Variants in OTOGL observed in about 807,000 individuals in gnomAD.
OTOGL encodes the protein otogelin-like protein.
In OTOGL, 285 loss-of-function variants were observed where a neutral mutation model predicts 318.5. The observed-to-expected ratio is 0.89, with a 90% CI of 0.81 to 0.99. The LOEUF (loss-of-function observed/expected upper bound fraction) is 0.99, where lower values mean the gene tolerates loss of function less well. OTOGL is among the 50% of genes least tolerant of loss of function. OTOGL has a pLI of 0.00. For missense variants in OTOGL, 2,899 were observed against 2,845.6 expected (o/e 1.02, Z -0.43); for synonymous variants, 987 against 936.5 (o/e 1.05, Z -0.99).
intron 1 of OTOGL, among the ~76,000 whole-genome samples, chr12:80,127,025 C>T (rs958145917): frequency 1.3e-5 from 2 of 152,140 alleles, no homozygotes; most frequent in Admixed American, 6.5e-5. Flanking sequence ...TTAATTGGAG[C>T]ATTTAGCCTA....
chr12:80,143,074 A>G (rs1018912354), intron 1 of OTOGL, among the ~76,000 whole-genome samples: 2 of 152,160 alleles, frequency 1.3e-5, no homozygotes, highest in Non-Finnish European at 2.9e-5. Context: ...GTTGGGTGGC[A>G]AAGGCTGACC....
At chr12:80,136,022 G>C (rs543328925) in intron 1 of OTOGL, among the ~76,000 whole-genome samples, 2 of 152,158 alleles carry the variant, frequency 1.3e-5, no homozygotes, top group African/African-American at 4.8e-5. Flanking sequence ...CATGTGAACC[G>C]ATTCCTTATA....
chr12:80,103,375 C>G, intron 1 of OTOGL: 1 of 989,038 alleles, frequency 1.0e-6, no homozygotes, highest in Non-Finnish European at 1.6e-6. Flanking sequence ...CTTTTCTTTT[C>G]TTGCAGGCTT....
chr12:80,303,615 C>A (rs535908724), intron 28 of OTOGL, among the ~76,000 whole-genome samples: 1 of 152,192 alleles, frequency 6.6e-6, no homozygotes, highest in Admixed American at 6.5e-5. Flanking sequence ...CACAGTTCTG[C>A]ATGCCTGGGA....
At chr12:80,130,355 T>G (rs1482843413) in intron 1 of OTOGL, among the ~76,000 whole-genome samples, 1 of 152,246 alleles carries the variant, frequency 6.6e-6, no homozygotes, top group African/African-American at 2.4e-5. Flanking sequence ...GAGGCCAATT[T>G]AGTCTGAAAT....
At chr12:80,186,603 C>T (rs1347538165) in intron 1 of OTOGL, among the ~76,000 whole-genome samples, 1 of 152,128 alleles carries the variant, frequency 6.6e-6, no homozygotes, top group Non-Finnish European at 1.5e-5. Flanking sequence ...GGGACCCTCA[C>T]GATCTCATCC....
At chr12:80,242,654 T>TGTA (rs1200128083) in intron 11 of OTOGL, among the ~76,000 whole-genome samples, 2 of 152,130 alleles carry the variant, frequency 1.3e-5, no homozygotes, top group East Asian at 3.9e-4. Context: ...TTGAATTCAA[T>TGTA]TCAACACACA....
intron 1 of OTOGL, among the ~76,000 whole-genome samples, chr12:80,143,735 A>T (rs1872110604): frequency 6.6e-6 from 1 of 152,138 alleles, no homozygotes; most frequent in African/African-American, 2.4e-5. Context: ...TTAGTTTCTC[A>T]TGATGGCATA....
chr12:80,328,813 T>C, intron 36 of OTOGL, 69 bp downstream of exon 36: 1 of 1,410,478 alleles, frequency 7.1e-7, no homozygotes, highest in Non-Finnish European at 9.9e-7. Flanking sequence ...CCGAGGCAAG[T>C]GGTTGTAAAC....
chr12:80,210,080 T>A (rs1258997326), intron 2 of OTOGL, among the ~76,000 whole-genome samples: 1 of 152,106 alleles, frequency 6.6e-6, no homozygotes, highest in African/African-American at 2.4e-5. Flanking sequence ...CTATTTGATT[T>A]TTTTTATTAT....
At chr12:80,322,970 G>A (rs796068604) in intron 34 of OTOGL, among the ~76,000 whole-genome samples, 4 of 152,190 alleles carry the variant, frequency 2.6e-5, no homozygotes, top group African/African-American at 9.6e-5. Flanking sequence ...TTATAAATTA[G>A]AAATAATATC....
intron 1 of OTOGL, among the ~76,000 whole-genome samples, chr12:80,128,745 A>G (rs10862063): frequency 0.54 from 82,136 of 151,864 alleles, 22,346 homozygotes; most frequent in Middle Eastern, 0.58. Flanking sequence ...AATGTCGGGC[A>G]CCCGTCCCCC....
intron 1 of OTOGL, among the ~76,000 whole-genome samples, chr12:80,172,458 G>T (rs1874265609): frequency 6.6e-6 from 1 of 152,150 alleles, no homozygotes; most frequent in South Asian, 2.1e-4. Flanking sequence ...AGTGAAGTTT[G>T]GTAATGTGCG....
In OTOGL at chr12:80,252,164, C is replaced by A. The variant is rs770939557; in HGVS notation, c.1248C>A (p.Ser416Arg). ...CATTTGAGAAGCAATGTCTTGGGAG[C>A]AATCTCCATTGTCTTGATGGATGTT... is the stretch of plus-strand genomic sequence containing the variant. ...TCTFEKQCLG[S>R]NLHCLDGCYC... The change falls in exon 13 of 59, where the codon AGC (serine) becomes AGA (arginine). Residue 416 changes from serine to arginine, a missense_variant. Physicochemically the swap from Ser to Arg is moderately radical, Grantham distance 110. Coordinates refer to ENST00000547103, the MANE Select transcript of OTOGL (RefSeq NM_001378609.3). The A allele has an allele frequency of 3.1e-6, 5 of 1,594,074 alleles. No individual in the cohort carries two copies. In the South Asian group the frequency reaches 4.6e-5, roughly 15 times the overall value.
chr12:80,108,131 G>A (rs2137074070), intron 1 of OTOGL, among the ~76,000 whole-genome samples: 1 of 152,182 alleles, frequency 6.6e-6, no homozygotes, highest in Non-Finnish European at 1.5e-5. Flanking sequence ...TTTGTAAGTT[G>A]CTAATATCAG....
At chr12:80,248,783 C>T (rs1488672888) in intron 11 of OTOGL, among the ~76,000 whole-genome samples, 1 of 150,896 alleles carries the variant, frequency 6.6e-6, no homozygotes, top group African/African-American at 2.5e-5. Flanking sequence ...TCCATTCTCC[C>T]CATCACTTTC....
chr12:80,131,536 A>G (rs146176343), intron 1 of OTOGL, among the ~76,000 whole-genome samples: 103 of 152,332 alleles, frequency 6.8e-4, no homozygotes, highest in African/African-American at 2.3e-3. Flanking sequence ...ATTATGTCCT[A>G]TGAGAATCAC....
At chr12:80,099,944 G>A (rs926194031) in intron 1 of OTOGL, among the ~76,000 whole-genome samples, 25 of 152,056 alleles carry the variant, frequency 1.6e-4, no homozygotes, top group African/African-American at 5.3e-4. Context: ...TCCTGGTCCC[G>A]TGTTCTGTGG....
At chr12:80,364,224 T>C (rs1359733858) in intron 52 of OTOGL, among the ~76,000 whole-genome samples, 1 of 152,162 alleles carries the variant, frequency 6.6e-6, no homozygotes. Context: ...TTAACATTCG[T>C]GGCTTTACAC....
Sources: allele counts gnomAD v4.1 joint callset (sites outside exome capture counted in the v4.1 genomes callset), GRCh38; gene constraint gnomAD v4.1.1; transcripts MANE v1.5; gene names NCBI Gene and HGNC (gene_info 2026-07-23, HGNC 2026-07-21).